Variants in ARIH1 observed in about 807,000 individuals in gnomAD.
ARIH1 encodes ariadne RBR E3 ubiquitin protein ligase 1, also known as E3 ubiquitin-protein ligase ARIH1.
In ARIH1, 8 loss-of-function variants were observed where a neutral mutation model predicts 85.0. That is an observed-to-expected ratio of 0.09 (90% confidence interval 0.06 to 0.17). The LOEUF is 0.17. Among genes scored for constraint, ARIH1 ranks in the 10% least tolerant of loss-of-function variants. The pLI, the probability that ARIH1 is intolerant of heterozygous loss-of-function variation, is 1.00. For missense variants in ARIH1, 311 were observed against 718.1 expected, an observed-to-expected ratio of 0.43 and a Z score of 6.48; for synonymous variants, 238 against 253.6, an observed-to-expected ratio of 0.94 and a Z score of 0.59.
intron 2 of ARIH1, among the ~76,000 whole-genome samples, chr15:72,544,200 A>G (rs891915869): frequency 1.3e-5 from 2 of 152,174 alleles, no homozygotes; most frequent in Non-Finnish European, 2.9e-5. Context: ...CAGTAAATTA[A>G]AAATATTTCA....
At chr15:72,533,992 A>G (rs1319478869) in intron 2 of ARIH1, among the ~76,000 whole-genome samples, 1 of 152,166 alleles carries the variant, frequency 6.6e-6, no homozygotes, top group East Asian at 1.9e-4. Flanking sequence ...GTTTATCACT[A>G]TTACACTAGA....
intron 8 of ARIH1, among the ~76,000 whole-genome samples, chr15:72,566,883 A>G (rs1205046561): frequency 6.6e-6 from 1 of 152,164 alleles, no homozygotes; most frequent in Non-Finnish European, 1.5e-5. Context: ...TTCAAGCTCT[A>G]GGTTCCCCAC....
At chr15:72,518,219 T>C (rs1254123794) in intron 2 of ARIH1, 85 bp downstream of exon 2, 3 of 1,120,286 alleles carry the variant, frequency 2.7e-6, no homozygotes, top group African/African-American at 3.1e-5. Flanking sequence ...AGTAAGGGAA[T>C]TGATGAATAT....
chr15:72,490,091 G>A (rs773755507), intron 1 of ARIH1, among the ~76,000 whole-genome samples: 8 of 152,112 alleles, frequency 5.3e-5, no homozygotes, highest in South Asian at 4.2e-4. Context: ...GGCCAGTCAC[G>A]GTGGTTCAAG....
intron 1 of ARIH1, among the ~76,000 whole-genome samples, chr15:72,517,136 A>G: frequency 6.6e-6 from 1 of 152,244 alleles, no homozygotes; most frequent in Non-Finnish European, 1.5e-5. Flanking sequence ...CTTTCTTGAA[A>G]TAGCAGCCTA....
chr15:72,523,885 A>G (rs1309718044), intron 2 of ARIH1, among the ~76,000 whole-genome samples: 1 of 148,246 alleles, frequency 6.7e-6, no homozygotes, highest in Admixed American at 6.7e-5. Flanking sequence ...CACAACATTG[A>G]GAATAATAAG....
chr15:72,478,442 A>T (rs1230277082), intron 1 of ARIH1, among the ~76,000 whole-genome samples: 1 of 152,198 alleles, frequency 6.6e-6, no homozygotes, highest in Non-Finnish European at 1.5e-5. Context: ...TAATGTAACT[A>T]TATAAGTAGC....
At chr15:72,537,322 TAC>T (rs1324458946) in intron 2 of ARIH1, among the ~76,000 whole-genome samples, 1 of 152,178 alleles carries the variant, frequency 6.6e-6, no homozygotes, top group Non-Finnish European at 1.5e-5. Flanking sequence ...TTTGAAAACT[TAC>T]ATTCTGCCTC....
intron 2 of ARIH1, among the ~76,000 whole-genome samples, chr15:72,532,588 A>G (rs963927895): frequency 6.6e-6 from 1 of 152,162 alleles, no homozygotes; most frequent in African/African-American, 2.4e-5. Flanking sequence ...TTATACCAAA[A>G]CCCAAGGAAA....
chr15:72,476,482 G>A (rs1025477268), intron 1 of ARIH1, among the ~76,000 whole-genome samples: 35 of 151,992 alleles, frequency 2.3e-4, no homozygotes, highest in African/African-American at 8.0e-4. Flanking sequence ...CTCCTGCCTC[G>A]GCCTCCCAAG....
chr15:72,577,937 C>G (rs750836427), intron 11 of ARIH1, among the ~76,000 whole-genome samples: 4 of 152,120 alleles, frequency 2.6e-5, no homozygotes, highest in Non-Finnish European at 5.9e-5. Context: ...AGTTTCAGTG[C>G]TGGTATAATA....
intron 1 of ARIH1, among the ~76,000 whole-genome samples, chr15:72,486,999 A>G (rs548721845): frequency 6.6e-6 from 1 of 152,108 alleles, no homozygotes; most frequent in African/African-American, 2.4e-5. Flanking sequence ...CAGCCTGACA[A>G]TTTTGGTTTT....
chr15:72,578,677 T>C (rs1263374920), intron 11 of ARIH1, among the ~76,000 whole-genome samples: 1 of 152,186 alleles, frequency 6.6e-6, no homozygotes, highest in South Asian at 2.1e-4. Flanking sequence ...AATCCACATA[T>C]AAAGTAGACT....
chr15:72,487,302 C>T (rs1051255080), intron 1 of ARIH1, among the ~76,000 whole-genome samples: 3 of 152,066 alleles, frequency 2.0e-5, no homozygotes, highest in Admixed American at 6.6e-5. Context: ...TTTGCCATTG[C>T]CTTTGAAACT....
intron 3 of ARIH1, among the ~76,000 whole-genome samples, chr15:72,552,708 A>G (rs567963765): frequency 6.6e-6 from 1 of 152,228 alleles, no homozygotes; most frequent in African/African-American, 2.4e-5. Flanking sequence ...AGAATATGTA[A>G]AAAACTGGAA....
Position 72,601,068 on chromosome 15 carries a change from C to T in ARIH1, c.*17776C>T, listed in dbSNP as rs1567367199. ...GCAATCTTCCTTTAACATCCATTTC[C>T]CTTTCCCTCATTCCCCCATATCCAA... On this transcript the variant is annotated 3_prime_UTR_variant, in exon 14 of 14. Coordinates refer to ENST00000379887, the MANE Select transcript of ARIH1 (RefSeq NM_005744.5). 6.6e-6 allele frequency: 1 copy of T among 152,192 alleles called. No individual in the cohort carries two copies. Among genetic ancestry groups the T allele is most frequent in the Admixed American group, 6.5e-5 (1 of 15,272 alleles). 9.4% of individuals were successfully genotyped at this position (152,192 alleles called of 1,614,324 possible).
chr15:72,545,925 A>T lies in ARIH1; in HGVS notation c.588+961A>T, dbSNP rs199529818. ...GTTTAGTCTTAAGATGTCTAAGATA[A>T]CTTAATTCTATGATAATTACAACTG... On this transcript the variant is annotated intron_variant, in intron 3 of 13. Transcript: ENST00000379887. Among the ~76,000 whole-genome samples the T allele has an allele frequency of 2.2e-3, 318 of 146,604 alleles. 2 individuals carry two copies. Among genetic ancestry groups the T allele is most frequent in the African/African-American group, 7.7e-3 (312 of 40,268 alleles).
At chr15:72,500,344 C>T (rs986085036) in intron 1 of ARIH1, among the ~76,000 whole-genome samples, 9 of 152,108 alleles carry the variant, frequency 5.9e-5, no homozygotes, top group African/African-American at 1.4e-4. Flanking sequence ...CTGCCCGCCT[C>T]GGCCTCCCAA....
Position 72,589,009 on chromosome 15 carries a change from T to G in ARIH1, c.*5717T>G, listed in dbSNP as rs2140443986. 6.6e-6 allele frequency: 1 copy of G among 152,326 alleles called. No individual in the cohort carries two copies. The highest frequency in any genetic ancestry group is 2.4e-5 in the African/African-American group (1 of 41,562). 9.4% of individuals were successfully genotyped at this position (152,326 alleles called of 1,614,324 possible). A position where few individuals can be genotyped will look rare whatever the true frequency, so the allele number is the denominator to read the frequency against. Reference sequence around the variant, plus strand: ...CTTTTGATAATCTTGTATTTTTATTTCAAGTGTGGTATAGTAGTAAGAATA... The same window carrying G: ...CTTTTGATAATCTTGTATTTTTATTGCAAGTGTGGTATAGTAGTAAGAATA... On this transcript the variant is annotated 3_prime_UTR_variant, in exon 14 of 14. Transcript: ENST00000379887.
Sources: allele counts gnomAD v4.1 joint callset (sites outside exome capture counted in the v4.1 genomes callset), GRCh38; gene constraint gnomAD v4.1.1; transcripts MANE v1.5; gene names NCBI Gene and HGNC (gene_info 2026-07-23, HGNC 2026-07-21).